CKLF: variants seen among roughly 807,000 people sequenced by gnomAD.
CKLF encodes the protein chemokine-like factor.
CKLF carries 16 observed loss-of-function variants against 12.9 expected under a neutral mutation model. That is an observed-to-expected ratio of 1.24 (90% CI 0.84 to 1.88). The LOEUF is 1.88. Among genes scored for constraint, CKLF ranks in the 40% most tolerant of loss-of-function variants. The pLI, the probability that CKLF is intolerant of heterozygous loss-of-function variation, is 0.00. For synonymous variants in CKLF, 61 were observed against 69.0 expected (o/e 0.88, Z 0.57); for missense variants, 172 against 188.5 (o/e 0.91, Z 0.51).
At chr16:66,565,763 G>A (rs2012216972) in intron 3 of CKLF, 123 bp from the exon 4 acceptor site, 3 of 822,654 alleles carry the variant, frequency 3.6e-6, no homozygotes, top group Non-Finnish European at 6.1e-6. Context: ...ATTAGATGAA[G>A]CACAGGGAGC....
At chr16:66,562,323 G>A (rs2011788645) in intron 2 of CKLF, among the ~76,000 whole-genome samples, 1 of 151,952 alleles carries the variant, frequency 6.6e-6, no homozygotes, top group Non-Finnish European at 1.5e-5. Flanking sequence ...CAAAGTGTTG[G>A]GATTACAGAC....
intron 2 of CKLF, among the ~76,000 whole-genome samples, chr16:66,561,702 A>C (rs913484807): frequency 2.0e-5 from 3 of 152,092 alleles, no homozygotes; most frequent in Admixed American, 1.3e-4. Flanking sequence ...TTTTCTTCCT[A>C]AGTATATCTG....
chr16:66,566,123 G>A (rs375614858), downstream of CKLF: 157 of 1,609,368 alleles, frequency 9.8e-5, no homozygotes, highest in African/African-American at 3.1e-4. The surrounding 1 kb of genome is among the most constrained non-coding windows in gnomAD (Gnocchi z 4.9). Context: ...AGAGATTTCC[G>A]AAGTCTGCAC....
chr16:66,563,762 A>G (rs927156367), intron 3 of CKLF, among the ~76,000 whole-genome samples: 1 of 152,230 alleles, frequency 6.6e-6, no homozygotes, highest in African/African-American at 2.4e-5. Context: ...AAGCAGATCA[A>G]TTCCATCAGA....
downstream of CKLF, chr16:66,566,129 T>C: frequency 6.2e-7 from 1 of 1,607,932 alleles, no homozygotes; most frequent in African/African-American, 1.3e-5. The surrounding 1 kb of genome is among the most constrained non-coding windows in gnomAD (Gnocchi z 4.9). Context: ...TTCCGAAGTC[T>C]GCACCCCGCG....
chr16:66,562,947 C>G, intron 2 of CKLF, 175 bp from the exon 3 acceptor site: 1 of 710,962 alleles, frequency 1.4e-6, no homozygotes, highest in Non-Finnish European at 2.4e-6. Context: ...GTCTCAAACT[C>G]CAGGCTTCAA....
At chr16:66,563,052 T>G (rs1464352453) in intron 2 of CKLF, 70 bp from the exon 3 acceptor site, 14 of 1,586,972 alleles carry the variant, frequency 8.8e-6, no homozygotes, top group Non-Finnish European at 1.0e-5. Flanking sequence ...GTTTTTTTGT[T>G]TTTTGTTTTT....
intron 3 of CKLF, among the ~76,000 whole-genome samples, chr16:66,564,288 A>G (rs972920621): frequency 2.0e-5 from 3 of 152,192 alleles, no homozygotes; most frequent in African/African-American, 4.8e-5. Flanking sequence ...AGCACTGGAA[A>G]TGTGGCTAGT....
At chr16:66,554,158 A>G (rs903978264) in intron 1 of CKLF, among the ~76,000 whole-genome samples, 2 of 152,226 alleles carry the variant, frequency 1.3e-5, no homozygotes, top group African/African-American at 4.8e-5. Flanking sequence ...ATATGGTCCA[A>G]ACTCTGGGCT....
At chr16:66,559,074 T>A (rs2011565368) in intron 2 of CKLF, among the ~76,000 whole-genome samples, 2 of 152,180 alleles carry the variant, frequency 1.3e-5, no homozygotes. Context: ...ATTCCCAGCA[T>A]CCTGTCTCTG....
intron 2 of CKLF, among the ~76,000 whole-genome samples, chr16:66,561,488 T>TC (rs1463592811): frequency 6.6e-6 from 1 of 152,160 alleles, no homozygotes; most frequent in East Asian, 1.9e-4. Flanking sequence ...TCTTTTTTTT[T>TC]CCCCCTGTGG....
chr16:66,563,263 T>C, intron 3 of CKLF, 46 bp downstream of exon 3: 2 of 1,600,610 alleles, frequency 1.2e-6, no homozygotes, highest in Non-Finnish European at 1.7e-6. Flanking sequence ...TTTATCAGAA[T>C]GCAAATTTAC....
downstream of CKLF, chr16:66,566,139 G>T: frequency 6.9e-6 from 11 of 1,603,124 alleles, no homozygotes; most frequent in Non-Finnish European, 9.4e-6. This position sits in a 1 kb window ranked among gnomAD's most constrained non-coding sequence, Gnocchi z 4.9. Flanking sequence ...TGCACCCCGC[G>T]CAGAGCACTA....
At chr16:66,556,070 T>C (rs1341848621) in intron 1 of CKLF, among the ~76,000 whole-genome samples, 3 of 152,088 alleles carry the variant, frequency 2.0e-5, no homozygotes, top group Non-Finnish European at 1.5e-5. Flanking sequence ...ATGTGGAGAA[T>C]GGACCTGGGT....
At position 66,558,197 on chromosome 16, in the gene CKLF, C is replaced by T. The variant is rs1355450544; in HGVS notation, c.86C>T (p.Thr29Ile). The change falls in exon 2 of 4, where the codon ACT (threonine) becomes ATT (isoleucine). Residue 29 changes from threonine (T) to isoleucine (I), a missense_variant. By Grantham distance (89) the Thr-to-Ile change is moderately conservative. Coordinates refer to ENST00000264001, the MANE Select transcript of CKLF (RefSeq NM_016951.4). ...TGGGTTTTTTTCTTCTAGGCACTAA[C>T]TGTGACATCTATGACCTTTTTTATC... ...GHVKMLRLAL[T>I]VTSMTFFIIA... The T allele has an allele frequency of 2.5e-6, 4 of 1,611,164 alleles. No homozygotes were observed. The East Asian group carries it at 8.9e-5, about 36-fold the overall frequency.
chr16:66,563,343 T>C, intron 3 of CKLF, 126 bp downstream of exon 3: 2 of 1,082,030 alleles, frequency 1.8e-6, no homozygotes, highest in South Asian at 1.6e-5. Flanking sequence ...CAATATACAA[T>C]GCCTAGTGGC....
intron 1 of CKLF, among the ~76,000 whole-genome samples, chr16:66,556,108 G>A (rs2011441132): frequency 6.6e-6 from 1 of 152,160 alleles, no homozygotes; most frequent in Non-Finnish European, 1.5e-5. Flanking sequence ...TGAGTGGAAT[G>A]AGAATGACAG....
intron 3 of CKLF, among the ~76,000 whole-genome samples, chr16:66,564,258 C>G (rs990670631): frequency 1.3e-5 from 2 of 152,262 alleles, no homozygotes; most frequent in Middle Eastern, 3.4e-3. Flanking sequence ...ACCATAGTTG[C>G]TAGCCACATG....
rs1430725424 is a variant in CKLF at position 66,566,054 on chromosome 16, T to A, written c.*43T>A. 1 of 1,608,598 alleles carries A rather than the reference T, an allele frequency of 6.2e-7. No individual in the cohort carries two copies. Among genetic ancestry groups the A allele is most frequent in the Non-Finnish European group, 8.5e-7 (1 of 1,175,790 alleles). ...GTTTGATACTAAGTATTAAACATAT[T>A]TCTGTATTCTTCCACATATTTTCTG... On this transcript the variant is annotated 3_prime_UTR_variant, in exon 4 of 4. Transcript: ENST00000264001. This position sits in a 1 kb window ranked among gnomAD's most constrained non-coding sequence, Gnocchi z 4.9.
Sources: gnomAD v4.1 joint callset for allele counts (sites outside exome capture counted in the v4.1 genomes callset) on GRCh38, gnomAD v4.1.1 for gene constraint, Gnocchi (gnomAD v3.1) non-coding constraint, MANE v1.5 for transcripts, NCBI Gene and HGNC (gene_info 2026-07-23, HGNC 2026-07-21) for gene names.